The following NSD1 variants were observed in gnomAD, a reference collection of about 807,000 sequenced individuals.
The protein encoded by NSD1 is histone-lysine N-methyltransferase, H3 lysine-36 specific.
In NSD1, 26 loss-of-function variants were observed where a neutral mutation model predicts 242.7. That is an observed-to-expected ratio of 0.11 (90% CI 0.08 to 0.15). The LOEUF is 0.15. Ranked by LOEUF, NSD1 falls within the 10% of genes least tolerant of loss-of-function variation. The probability of loss-of-function intolerance (pLI) is 1.00; values close to 1 mark genes in which losing one functional copy is unlikely to be tolerated. For missense variants in NSD1, 2,495 were observed against 3,272.8 expected, an observed-to-expected ratio of 0.76 and a Z score of 5.80; for synonymous variants, 1,106 against 1,178.1, an observed-to-expected ratio of 0.94 and a Z score of 1.25.
At chr5:177,144,909 T>A (rs1757108017) in intron 2 of NSD1, among the ~76,000 whole-genome samples, 1 of 151,826 alleles carries the variant, frequency 6.6e-6, no homozygotes, top group African/African-American at 2.4e-5. Flanking sequence ...AGTGAAACCC[T>A]GTCTCTACTG....
chr5:177,214,993 G>A (rs890833255), intron 5 of NSD1, among the ~76,000 whole-genome samples: 2 of 151,674 alleles, frequency 1.3e-5, no homozygotes, highest in Admixed American at 6.6e-5. Flanking sequence ...GAGCCACCAC[G>A]CCCTGCCGAT....
chr5:177,238,621 C>T lies in NSD1; in HGVS notation c.4192+114C>T, dbSNP rs1765627379. On this transcript the variant is annotated intron_variant, in intron 7 of 22. Transcript: ENST00000439151. This position sits in a 1 kb window ranked among gnomAD's most constrained non-coding sequence, Gnocchi z 4.6. Reference sequence around the variant, plus strand: ...GTATCTATATACAATAAACTACCCCCTTTTGTCCTGGGAAATACTTAAAAT... The same window carrying T: ...GTATCTATATACAATAAACTACCCCTTTTTGTCCTGGGAAATACTTAAAAT... 1 of 1,209,774 alleles carries T rather than the reference C, an allele frequency of 8.3e-7. No individual in the cohort carries two copies. The highest frequency in any genetic ancestry group is 2.3e-5 in the East Asian group (1 of 42,906). 74.9% of individuals were successfully genotyped at this position (1,209,774 alleles called of 1,614,324 possible). A position where few individuals can be genotyped will look rare whatever the true frequency, so the allele number is the denominator to read the frequency against.
rs1757337782 is a variant in NSD1 at position 177,265,393 on chromosome 5, C to G, written c.5147-2169C>G. On this transcript the variant is annotated intron_variant, in intron 14 of 22. Coordinates refer to ENST00000439151, the MANE Select transcript of NSD1 (RefSeq NM_022455.5). The stretch of plus-strand genomic sequence containing the variant: ...AGCTGAAGATTTATTGGCATAAATG[C>G]AGCCATCTAAAAACATAAGTTATGA... 1.0e-5 allele frequency: 6 copies of G among 599,424 alleles called. No individual in the cohort carries two copies. The South Asian group carries it at 1.3e-4, about 13-fold the overall frequency. 37.1% of individuals were successfully genotyped at this position (599,424 alleles called of 1,614,324 possible). A position where few individuals can be genotyped will look rare whatever the true frequency, so the allele number is the denominator to read the frequency against.
At chr5:177,146,433 C>T (rs904333685) in intron 2 of NSD1, among the ~76,000 whole-genome samples, 3 of 151,610 alleles carry the variant, frequency 2.0e-5, no homozygotes, top group Non-Finnish European at 2.9e-5. Flanking sequence ...CTCAATCTCC[C>T]GACCTTGTGA....
At chr5:177,257,239 T>C (rs1452368552) in intron 13 of NSD1, 88 bp downstream of exon 13, 14 of 1,199,824 alleles carry the variant, frequency 1.2e-5, no homozygotes, top group Non-Finnish European at 1.4e-5. Flanking sequence ...TTTTTTTTTT[T>C]TTTTTTTTGG....
At chr5:177,158,969 C>T (rs978185933) in intron 2 of NSD1, among the ~76,000 whole-genome samples, 1 of 129,960 alleles carries the variant, frequency 7.7e-6, no homozygotes, top group African/African-American at 3.8e-5. Flanking sequence ...TATACACACA[C>T]ATATATACAC....
rs1335014736 is a variant in NSD1 at position 177,146,541 on chromosome 5, A to G, written c.927+10511A>G. Among the ~76,000 whole-genome samples the G allele has an allele frequency of 3.3e-5, 5 of 152,078 alleles. No homozygotes were observed. The South Asian group carries it at 6.2e-4, about 19-fold the overall frequency. Reference sequence around the variant, plus strand: ...GCATTGACGTTCATGTAATTTATCCATCTTATTCAGATGTCCTTAAATTTT... The same window carrying G: ...GCATTGACGTTCATGTAATTTATCCGTCTTATTCAGATGTCCTTAAATTTT... On this transcript the variant is annotated intron_variant, in intron 2 of 22. Transcript: ENST00000439151.
intron 5 of NSD1, chr5:177,221,019 AC>A (rs1430142468): frequency 2.2e-6 from 1 of 455,034 alleles, no homozygotes; most frequent in Non-Finnish European, 4.4e-6. Flanking sequence ...GCCTTCCACC[AC>A]CCCCGGTTAA....
intron 2 of NSD1, among the ~76,000 whole-genome samples, chr5:177,167,675 G>A (rs746419984): frequency 4.6e-5 from 7 of 152,112 alleles, no homozygotes; most frequent in Non-Finnish European, 7.4e-5. Flanking sequence ...GAGTTCTTCA[G>A]TCTTATTTTA....
chr5:177,201,802 G>A (rs1379923337), intron 3 of NSD1, among the ~76,000 whole-genome samples: 3 of 151,246 alleles, frequency 2.0e-5, no homozygotes, highest in Non-Finnish European at 3.0e-5. Flanking sequence ...CAGGTGATCC[G>A]CCTGCCTCAG....
chr5:177,169,776 T>A (rs1759533943), intron 2 of NSD1: 1 of 152,204 alleles, frequency 6.6e-6, no homozygotes, highest in East Asian at 1.9e-4. Flanking sequence ...AAATGATATA[T>A]AACATAACCA....
intron 2 of NSD1, among the ~76,000 whole-genome samples, chr5:177,148,932 C>T (rs1440853349): frequency 6.6e-6 from 1 of 152,222 alleles, no homozygotes; most frequent in Admixed American, 6.5e-5. Context: ...GATTCTCCTG[C>T]ATCAGCCTCC....
At chr5:177,139,492 A>G (rs1756631804) in intron 2 of NSD1, among the ~76,000 whole-genome samples, 1 of 152,084 alleles carries the variant, frequency 6.6e-6, no homozygotes, top group Non-Finnish European at 1.5e-5. Flanking sequence ...AAGTTAGGTA[A>G]GCAATACAGC....
intron 20 of NSD1, among the ~76,000 whole-genome samples, chr5:177,286,363 T>TCACTGTG (rs1759330131): frequency 6.6e-6 from 1 of 152,246 alleles, no homozygotes; most frequent in Admixed American, 6.5e-5. Context: ...CACTTGAGCA[T>TCACTGTG]CACTGTGCAC....
Position 177,225,150 on chromosome 5 carries a change from T to C in NSD1, c.3797-10671T>C, listed in dbSNP as rs549035549. On this transcript the variant is annotated intron_variant, in intron 5 of 22. Transcript: ENST00000439151. The stretch of plus-strand genomic sequence containing the variant: ...AGTTCTTTTTGTTGTTGATGTTTTT[T>C]GTTTTTATATTTTTGAGACGGAGTT... 3.9e-5 allele frequency among the ~76,000 whole-genome samples: 6 copies of C among 152,306 alleles called. No homozygotes were observed. The South Asian group carries it at 1.2e-3, about 32-fold the overall frequency.
At chr5:177,150,787 C>T (rs763403990) in intron 2 of NSD1, among the ~76,000 whole-genome samples, 1 of 152,098 alleles carries the variant, frequency 6.6e-6, no homozygotes, top group Non-Finnish European at 1.5e-5. Context: ...TGTGTTATCT[C>T]TGATTTCTCT....
At chr5:177,150,023 G>T (rs1170922596) in intron 2 of NSD1, among the ~76,000 whole-genome samples, 1 of 152,058 alleles carries the variant, frequency 6.6e-6, no homozygotes, top group Non-Finnish European at 1.5e-5. Context: ...TGCAACCTCT[G>T]CCTCCCAAGT....
rs1759885169 is a variant in NSD1, at chr5:177,292,126, C to G, written c.6431C>G (p.Ala2144Gly). ...CCAGGCTGCCCAAAAGTTTACCACGCAGACTGTCTCAATCTGACCAAGCGA... is the reference window on the plus strand; with the variant it reads ...CCAGGCTGCCCAAAAGTTTACCACGGAGACTGTCTCAATCTGACCAAGCGA... ...KKPGCPKVYH[A>G]DCLNLTKRPA... Residue 2144 changes from alanine to glycine, a missense_variant, in exon 22 of 23, where the codon GCA (alanine) becomes GGA (glycine). This residue lies in a region of NSD1 where 33 missense variants were observed against 134.8 expected (regional missense o/e 0.24). Transcript: ENST00000439151. 1.2e-6 allele frequency: 2 copies of G among 1,614,034 alleles called. No individual in the cohort carries two copies. The highest frequency in any genetic ancestry group is 2.7e-5 in the African/African-American group (2 of 74,908).
rs577102621 is a variant in NSD1 at position 177,249,316 on chromosome 5, A to T, written c.4641+992A>T. Among the ~76,000 whole-genome samples the T allele has an allele frequency of 2.8e-3, 430 of 152,122 alleles. 3 individuals are homozygous for T. Among genetic ancestry groups the T allele is most frequent in the African/African-American group, 9.7e-3 (402 of 41,488 alleles). ...CAGCGAGACCCCTGTCTCTATTTTT[A>T]AAAAATTTGTCTTTTTTTTAAATTA... On this transcript the variant is annotated intron_variant, in intron 11 of 22. Coordinates refer to ENST00000439151, the MANE Select transcript of NSD1 (RefSeq NM_022455.5).
Sources: gnomAD v4.1 joint callset for allele counts (sites outside exome capture counted in the v4.1 genomes callset) on GRCh38, gnomAD v4.1.1 for gene constraint, gnomAD v4.1.1 regional missense constraint, Gnocchi (gnomAD v3.1) non-coding constraint, MANE v1.5 for transcripts, NCBI Gene and HGNC (gene_info 2026-07-23, HGNC 2026-07-21) for gene names.